HTR1F: variants seen among roughly 807,000 people sequenced by gnomAD.
The protein encoded by HTR1F is 5-hydroxytryptamine receptor 1F.
A neutral mutation model predicts 24.0 loss-of-function variants in HTR1F; 17 were observed. The observed-to-expected ratio is 0.71, with a 90% CI of 0.48 to 1.06. HTR1F has a LOEUF of 1.06. HTR1F is among the 50% of genes least tolerant of loss of function. The probability of loss-of-function intolerance (pLI) is 0.00; values close to 1 mark genes in which losing one functional copy is unlikely to be tolerated. For synonymous variants in HTR1F, 186 were observed against 156.8 expected, an observed-to-expected ratio of 1.19 and a Z score of -1.39; for missense variants, 391 against 427.8, an observed-to-expected ratio of 0.91 and a Z score of 0.76.
At chr3:87,904,748 A>G (rs1703621183) in intron 2 of HTR1F, among the ~76,000 whole-genome samples, 1 of 152,140 alleles carries the variant, frequency 6.6e-6, no homozygotes, top group South Asian at 2.1e-4. Flanking sequence ...TAGAATGCAT[A>G]CACATTATAC....
At chr3:87,970,266 G>A (rs918435970) in intron 2 of HTR1F, among the ~76,000 whole-genome samples, 14 of 152,188 alleles carry the variant, frequency 9.2e-5, no homozygotes, top group Non-Finnish European at 1.5e-5. Context: ...ATAGTTCTAA[G>A]TTAAGCATGT....
At position 87,820,391 on chromosome 3, in the gene HTR1F, T is replaced by C. The variant is rs368050937; in HGVS notation, c.-159-1617T>C. ...CGGGGTTTCACCGTTTTAGCCGGGA[T>C]GGTCTCGATCTCCTGACCTCGTGAT... On this transcript the variant is annotated intron_variant, in intron 1 of 2. Transcript: ENST00000319595. 6.5e-4 allele frequency among the ~76,000 whole-genome samples: 99 copies of C among 151,936 alleles called. 1 individual carries two copies. The highest frequency in any genetic ancestry group is 3.4e-3 in the Middle Eastern group (1 of 294).
At chr3:87,803,023 G>A (rs1204472769) in intron 1 of HTR1F, among the ~76,000 whole-genome samples, 1 of 152,046 alleles carries the variant, frequency 6.6e-6, no homozygotes, top group Admixed American at 6.6e-5. Context: ...AAAAGCAATG[G>A]AGCTGTCTAT....
intron 2 of HTR1F, among the ~76,000 whole-genome samples, chr3:87,865,341 G>C (rs1405437273): frequency 6.6e-6 from 1 of 151,694 alleles, no homozygotes; most frequent in Admixed American, 6.6e-5. Flanking sequence ...TATTAAAAAT[G>C]CACAGATAAC....
At chr3:87,862,616 C>T (rs1180600873) in intron 2 of HTR1F, among the ~76,000 whole-genome samples, 3 of 152,138 alleles carry the variant, frequency 2.0e-5, no homozygotes, top group Admixed American at 6.5e-5. Context: ...CCATTAGACA[C>T]GTGTCTTTTC....
At chr3:87,846,249 A>G (rs1349261140) in intron 2 of HTR1F, among the ~76,000 whole-genome samples, 2 of 152,004 alleles carry the variant, frequency 1.3e-5, no homozygotes, top group Non-Finnish European at 2.9e-5. Context: ...CCTGGCCAAC[A>G]TGGCAAAACC....
chr3:87,991,980 A>G lies in HTR1F; in HGVS notation c.*130A>G. On this transcript the variant is annotated 3_prime_UTR_variant, in exon 3 of 3. Transcript: ENST00000319595. Reference sequence around the variant, plus strand: ...AAACTGCTAAATTGATAAGGCTATAATTTATATTTTAATAGCAATGTGAAT... The same window carrying G: ...AAACTGCTAAATTGATAAGGCTATAGTTTATATTTTAATAGCAATGTGAAT... 1 of 694,374 alleles carries G rather than the reference A, an allele frequency of 1.4e-6. No homozygotes were observed. The allele number at this position is 694,374 out of a possible 1,614,324, so 43.0% of individuals were successfully genotyped here.
intron 2 of HTR1F, among the ~76,000 whole-genome samples, chr3:87,879,485 T>G (rs1269507794): frequency 1.1e-4 from 16 of 152,282 alleles, no homozygotes; most frequent in Admixed American, 7.8e-4. Flanking sequence ...TGGCAGTGCA[T>G]TAGCCAAGAA....
chr3:87,816,014 G>A (rs1194347726), intron 1 of HTR1F, among the ~76,000 whole-genome samples: 1 of 152,034 alleles, frequency 6.6e-6, no homozygotes, highest in African/African-American at 2.4e-5. Flanking sequence ...TCATTTTTCA[G>A]TTTCATTTGC....
chr3:87,857,556 G>A (rs17025064), intron 2 of HTR1F, among the ~76,000 whole-genome samples: 13,695 of 152,018 alleles, frequency 0.09, 799 homozygotes, highest in East Asian at 0.22. Flanking sequence ...CTAAATGTCC[G>A]TGATCTCCAT....
intron 1 of HTR1F, among the ~76,000 whole-genome samples, chr3:87,819,559 A>G (rs1406799545): frequency 6.6e-6 from 1 of 151,956 alleles, no homozygotes; most frequent in African/African-American, 2.4e-5. Context: ...TATCATCATT[A>G]TGCTATGCCT....
intron 1 of HTR1F, among the ~76,000 whole-genome samples, chr3:87,817,083 A>T (rs530854909): frequency 6.6e-6 from 1 of 152,288 alleles, no homozygotes. Flanking sequence ...ATAGCCACAC[A>T]TGCACGTGTG....
chr3:87,890,286 A>G (rs1706047612), intron 2 of HTR1F, among the ~76,000 whole-genome samples: 1 of 152,192 alleles, frequency 6.6e-6, no homozygotes, highest in Non-Finnish European at 1.5e-5. Flanking sequence ...ATATGTTTGT[A>G]CTTAATCTCA....
chr3:87,871,008 G>T (rs1039939426), intron 2 of HTR1F, among the ~76,000 whole-genome samples: 1 of 140,070 alleles, frequency 7.1e-6, no homozygotes, highest in Non-Finnish European at 1.5e-5. Flanking sequence ...AAAAAATCAC[G>T]TGAAGAAACA....
intron 2 of HTR1F, among the ~76,000 whole-genome samples, chr3:87,926,991 G>T (rs912454632): frequency 3.3e-5 from 5 of 152,012 alleles, no homozygotes; most frequent in African/African-American, 1.2e-4. Flanking sequence ...AACAATTGCT[G>T]CTTTGGTAGA....
intron 1 of HTR1F, among the ~76,000 whole-genome samples, chr3:87,804,961 CAA>C (rs1704050055): frequency 6.6e-6 from 1 of 151,936 alleles, no homozygotes; most frequent in Non-Finnish European, 1.5e-5. Flanking sequence ...ATTTATATAT[CAA>C]GTGTGATGAG....
intron 2 of HTR1F, among the ~76,000 whole-genome samples, chr3:87,872,297 A>T (rs1015741083): frequency 1.3e-5 from 2 of 152,122 alleles, no homozygotes; most frequent in African/African-American, 4.8e-5. Flanking sequence ...ACCTACATTA[A>T]ATAAAAAGAA....
intron 2 of HTR1F, among the ~76,000 whole-genome samples, chr3:87,970,234 A>T (rs538547227): frequency 3.3e-5 from 5 of 152,338 alleles, no homozygotes; most frequent in African/African-American, 1.2e-4. Context: ...CTCAGGTAAG[A>T]TACAGGGGAA....
At chr3:87,987,736 A>T (rs1705700876) in intron 2 of HTR1F, among the ~76,000 whole-genome samples, 1 of 141,020 alleles carries the variant, frequency 7.1e-6, no homozygotes, top group Admixed American at 7.3e-5. Context: ...TATGTATTTT[A>T]TATATATAAA....
Sources: allele counts gnomAD v4.1 joint callset (sites outside exome capture counted in the v4.1 genomes callset), GRCh38; gene constraint gnomAD v4.1.1; transcripts MANE v1.5; gene names NCBI Gene and HGNC (gene_info 2026-07-23, HGNC 2026-07-21).